The following PCBP3 variants were observed in gnomAD, a reference collection of about 807,000 sequenced individuals.
The protein encoded by PCBP3 is poly(rC) binding protein 3.
Under a neutral mutation model 52.7 loss-of-function variants are expected in PCBP3, and 25 were observed. The observed-to-expected ratio is 0.47, with a 90% confidence interval of 0.35 to 0.66. The LOEUF (loss-of-function observed/expected upper bound fraction) is 0.66. PCBP3 is among the 30% of genes least tolerant of loss of function. The pLI is 0.01. For missense variants in PCBP3, 391 were observed against 490.3 expected, an observed-to-expected ratio of 0.80 and a Z score of 1.91; for synonymous variants, 162 against 183.0, an observed-to-expected ratio of 0.89 and a Z score of 0.93.
intron 5 of PCBP3, among the ~76,000 whole-genome samples, chr21:45,885,835 T>C (rs1212145663): frequency 6.6e-6 from 1 of 152,258 alleles, no homozygotes; most frequent in Non-Finnish European, 1.5e-5. Flanking sequence ...TTTCACTTCT[T>C]TGTCAGAGGA....
chr21:45,784,431 A>G (rs2090929753), intron 4 of PCBP3, among the ~76,000 whole-genome samples: 1 of 109,128 alleles, frequency 9.2e-6, no homozygotes, highest in African/African-American at 3.6e-5. Flanking sequence ...CCTACCTCCT[A>G]CCTCCTACCT....
intron 11 of PCBP3, among the ~76,000 whole-genome samples, chr21:45,911,648 C>T (rs945391503): frequency 1.3e-5 from 2 of 152,174 alleles, no homozygotes; most frequent in Non-Finnish European, 2.9e-5. Context: ...ATTCATGAAG[C>T]TATCAACAGT....
Position 45,817,311 on chromosome 21 carries a change from C to T in PCBP3, c.-125-32650C>T, listed in dbSNP as rs1176702931. 6.6e-6 allele frequency among the ~76,000 whole-genome samples: 1 copy of T among 152,208 alleles called. No individual in the cohort carries two copies. Among genetic ancestry groups the T allele is most frequent in the African/African-American group, 2.4e-5 (1 of 41,456 alleles). The stretch of plus-strand genomic sequence containing the variant: ...GCTGAGTGAGGGGCCTCCACTGTGG[C>T]TGTGAGCAGTCCCCGCCTCGTGGTA... On this transcript the variant is annotated intron_variant, in intron 4 of 17. Transcript: ENST00000681687. The surrounding 1 kb of genome is among the most constrained non-coding windows in gnomAD (Gnocchi z 4.3).
At chr21:45,652,231 A>T (rs2079731976) in intron 1 of PCBP3, among the ~76,000 whole-genome samples, 1 of 152,236 alleles carries the variant, frequency 6.6e-6, no homozygotes, top group Non-Finnish European at 1.5e-5. Context: ...GATCTCAAAA[A>T]GATGAGAGAT....
At chr21:45,646,083 T>TCTCTCTCTCTCTCTCTCTCTCTTTCTCTC (rs1206207801) in intron 1 of PCBP3, among the ~76,000 whole-genome samples, 1 of 99,574 alleles carries the variant, frequency 1.0e-5, no homozygotes, top group Non-Finnish European at 2.0e-5. Flanking sequence ...CTCTCTCTCT[T>TCTCTCTCTCTCTCTCTCTCTCTTTCTCTC]TCTCTCTCTC....
intron 6 of PCBP3, among the ~76,000 whole-genome samples, 187 bp downstream of exon 6, chr21:45,896,549 C>T (rs868609907): frequency 2.7e-5 from 4 of 148,598 alleles, no homozygotes; most frequent in African/African-American, 7.5e-5. Context: ...ATGCACTGCC[C>T]GGGCCATTGT....
At chr21:45,688,659 A>AAT (rs1407626072) in intron 2 of PCBP3, among the ~76,000 whole-genome samples, 4 of 152,272 alleles carry the variant, frequency 2.6e-5, no homozygotes, top group African/African-American at 9.6e-5. Flanking sequence ...CAGTAAAAAG[A>AAT]ATATGAAGGC....
chr21:45,914,299 G>T, intron 12 of PCBP3: 1 of 532,904 alleles, frequency 1.9e-6, no homozygotes, highest in Non-Finnish European at 3.2e-6. Flanking sequence ...CCAGTTCCCA[G>T]AACTGGGTGT....
chr21:45,676,777 T>C (rs894268407), intron 2 of PCBP3, among the ~76,000 whole-genome samples: 13 of 152,286 alleles, frequency 8.5e-5, no homozygotes, highest in African/African-American at 2.9e-4. Context: ...ATTTATTTTT[T>C]ATTTTTATTT....
At chr21:45,866,983 G>C (rs1334257278) in intron 5 of PCBP3, among the ~76,000 whole-genome samples, 6 of 152,212 alleles carry the variant, frequency 3.9e-5, no homozygotes, top group Admixed American at 1.3e-4. Flanking sequence ...GCTTTGTTTT[G>C]TTTTGCTTAA....
intron 1 of PCBP3, among the ~76,000 whole-genome samples, chr21:45,663,810 A>G (rs943773406): frequency 1.3e-5 from 2 of 152,068 alleles, no homozygotes; most frequent in South Asian, 4.1e-4. Flanking sequence ...AGGTAATGTG[A>G]TGCCTCTAGC....
chr21:45,908,796 G>A (rs552069314), intron 9 of PCBP3, among the ~76,000 whole-genome samples: 1 of 152,292 alleles, frequency 6.6e-6, no homozygotes, highest in Admixed American at 6.5e-5. Flanking sequence ...AGGACCATGA[G>A]CCAAACCAGG....
In PCBP3 at chr21:45,730,544, T is replaced by C. The variant is rs115472704; in HGVS notation, c.-199-4848T>C. Among the ~76,000 whole-genome samples, 409 of 152,302 alleles carry C rather than the reference T, an allele frequency of 2.7e-3. 3 individuals are homozygous for C. The highest frequency in any genetic ancestry group is 9.2e-3 in the African/African-American group (382 of 41,580). Reference sequence around the variant, plus strand: ...GAGTGTTCTATAAATGTCAGTTAAATAATGTTGGATGATAATGTTATTTGA... The same window carrying C: ...GAGTGTTCTATAAATGTCAGTTAAACAATGTTGGATGATAATGTTATTTGA... On this transcript the variant is annotated intron_variant, in intron 2 of 17. Coordinates refer to ENST00000681687, the MANE Select transcript of PCBP3 (RefSeq NM_001384156.1).
At chr21:45,842,282 A>G (rs2093715042) in intron 4 of PCBP3, among the ~76,000 whole-genome samples, 2 of 152,162 alleles carry the variant, frequency 1.3e-5, no homozygotes, top group South Asian at 4.1e-4. Flanking sequence ...GAGTTTCTCC[A>G]TTTGCTCTCA....
intron 1 of PCBP3, among the ~76,000 whole-genome samples, chr21:45,657,209 CTT>C: frequency 6.6e-6 from 1 of 152,140 alleles, no homozygotes; most frequent in African/African-American, 2.4e-5. Flanking sequence ...GTTGCTTGTG[CTT>C]TGTCATATTT....
chr21:45,917,249 A>G lies in PCBP3; in HGVS notation c.676-339A>G. The G allele has an allele frequency of 4.0e-6, 1 of 249,356 alleles. No individual in the cohort carries two copies. Among genetic ancestry groups the G allele is most frequent in the East Asian group, 6.4e-5 (1 of 15,558 alleles). 15.4% of individuals were successfully genotyped at this position (249,356 alleles called of 1,614,324 possible). On this transcript the variant is annotated intron_variant, in intron 12 of 17. Transcript: ENST00000681687. This position sits in a 1 kb window ranked among gnomAD's most constrained non-coding sequence, Gnocchi z 5.3. Reference sequence around the variant, plus strand: ...TCAGATGACTGATTAAATTTTCAAAACCGTAATAATTAGTGGAGACCTCTT... The same window carrying G: ...TCAGATGACTGATTAAATTTTCAAAGCCGTAATAATTAGTGGAGACCTCTT...
At chr21:45,722,783 A>ACT (rs1219747416) in intron 2 of PCBP3, among the ~76,000 whole-genome samples, 15 of 152,048 alleles carry the variant, frequency 9.9e-5, no homozygotes, top group African/African-American at 3.6e-4. Flanking sequence ...GGGGTGGATC[A>ACT]TGAGGTCAGG....
intron 14 of PCBP3, 24 bp from the exon 15 acceptor site, chr21:45,930,762 A>G (rs755712741): frequency 1.9e-6 from 2 of 1,059,498 alleles, no homozygotes; most frequent in Non-Finnish European, 3.0e-6. Flanking sequence ...AAAACATTAA[A>G]CCTGTCTCTT....
chr21:45,646,075 C>CTT (rs2079240844), intron 1 of PCBP3, among the ~76,000 whole-genome samples: 1 of 111,376 alleles, frequency 9.0e-6, no homozygotes. Context: ...CTCTCTCTCT[C>CTT]TCTCTCTTTC....
Sources: gnomAD v4.1 joint callset for allele counts (sites outside exome capture counted in the v4.1 genomes callset) on GRCh38, gnomAD v4.1.1 for gene constraint, Gnocchi (gnomAD v3.1) non-coding constraint, MANE v1.5 for transcripts, NCBI Gene and HGNC (gene_info 2026-07-23, HGNC 2026-07-21) for gene names.